The following GYPC variants were observed in gnomAD, a reference collection of about 807,000 sequenced individuals.
The protein encoded by GYPC is glycophorin-C.
In GYPC, 14 loss-of-function variants were observed where a neutral mutation model predicts 12.6. That is an observed-to-expected ratio of 1.11 (90% CI 0.74 to 1.74). The LOEUF (loss-of-function observed/expected upper bound fraction) is 1.74. Among genes scored for constraint, GYPC ranks in the 40% most tolerant of loss-of-function variants. The pLI is 0.00. For synonymous variants in GYPC, 78 were observed against 62.1 expected (o/e 1.26, Z -1.20); for missense variants, 225 against 172.1 (o/e 1.31, Z -1.72).
intron 3 of GYPC, among the ~76,000 whole-genome samples, chr2:126,695,127 G>C (rs980327549): frequency 1.1e-4 from 16 of 152,286 alleles, no homozygotes; most frequent in African/African-American, 2.9e-4. Context: ...GCAGCCATCA[G>C]GCCATTGAAA....
intron 3 of GYPC, among the ~76,000 whole-genome samples, chr2:126,694,999 G>A (rs1392323048): frequency 2.6e-5 from 4 of 152,172 alleles, no homozygotes; most frequent in East Asian, 3.9e-4. Flanking sequence ...CACCACCTTG[G>A]CATCCTCTGC....
chr2:126,682,328 G>A (rs2104795212), intron 1 of GYPC, among the ~76,000 whole-genome samples: 1 of 152,308 alleles, frequency 6.6e-6, no homozygotes, highest in African/African-American at 2.4e-5. Flanking sequence ...CAAGGCCAAG[G>A]AGACTGCAGT....
At chr2:126,676,574 G>A (rs1206541390) in intron 1 of GYPC, among the ~76,000 whole-genome samples, 1 of 152,214 alleles carries the variant, frequency 6.6e-6, no homozygotes, top group African/African-American at 2.4e-5. Context: ...TCTTCTGACA[G>A]GAGGCAGAGT....
Position 126,696,559 on chromosome 2 carries a change from G to A in GYPC, c.*417G>A, listed in dbSNP as rs371510854. The A allele has an allele frequency of 1.4e-4, 40 of 293,112 alleles. No homozygotes were observed. In the East Asian group the frequency reaches 3.3e-3, roughly 24 times the overall value. 18.2% of individuals were successfully genotyped at this position (293,112 alleles called of 1,614,324 possible). On this transcript the variant is annotated 3_prime_UTR_variant, in exon 4 of 4. Coordinates refer to ENST00000259254, the MANE Select transcript of GYPC (RefSeq NM_002101.5). The stretch of plus-strand genomic sequence containing the variant: ...CTGACTGGGGATAATGGCATCAAAT[G>A]TCAGTCCTTGACATTTGGGGGGAAC...
At chr2:126,693,477 C>T (rs923919966) in intron 2 of GYPC, among the ~76,000 whole-genome samples, 4 of 152,168 alleles carry the variant, frequency 2.6e-5, no homozygotes, top group Non-Finnish European at 5.9e-5. Context: ...ACTGAGACAC[C>T]TGGTGTGAGC....
In GYPC at chr2:126,696,519, T is replaced by C. The variant is rs1193540881; in HGVS notation, c.*377T>C. ...CCCGGGGGCTGGGGAAGCAAGGAAA[T>C]AAGTCATCTGTATGCTGACTGGGGA... is the stretch of plus-strand genomic sequence containing the variant. On this transcript the variant is annotated 3_prime_UTR_variant, in exon 4 of 4. Transcript: ENST00000259254. 1 of 344,490 alleles carries C rather than the reference T, an allele frequency of 2.9e-6. No individual in the cohort carries two copies. Among genetic ancestry groups the C allele is most frequent in the African/African-American group, 2.1e-5 (1 of 46,854 alleles). The allele number at this position is 344,490 out of a possible 1,614,324, so 21.3% of individuals were successfully genotyped here. A position where few individuals can be genotyped will look rare whatever the true frequency, so the allele number is the denominator to read the frequency against.
At chr2:126,692,055 G>A (rs1471672385) in intron 2 of GYPC, among the ~76,000 whole-genome samples, 2 of 152,106 alleles carry the variant, frequency 1.3e-5, no homozygotes, top group East Asian at 3.8e-4. Flanking sequence ...TACCTACTAT[G>A]TGCTAGATAC....
intron 1 of GYPC, among the ~76,000 whole-genome samples, chr2:126,677,634 T>C (rs535806918): frequency 2.7e-5 from 4 of 149,598 alleles, no homozygotes; most frequent in South Asian, 2.2e-4. Flanking sequence ...ATAGCTCCCA[T>C]GTGCCGGGCA....
Position 126,696,169 on chromosome 2 carries a change from T to G in GYPC, c.*27T>G, listed in dbSNP as rs372419548. On this transcript the variant is annotated 3_prime_UTR_variant, in exon 4 of 4. Transcript: ENST00000259254. The stretch of plus-strand genomic sequence containing the variant: ...GGACAACAGACTTCACTTCCCTGAA[T>G]GCCTCCCCCATCTCCATCAGGAAAA... 35 of 1,538,394 alleles carry G rather than the reference T, an allele frequency of 2.3e-5. 1 individual carries two copies. The East Asian group carries it at 2.9e-4, about 13-fold the overall frequency.
chr2:126,692,130 G>A (rs1014902244), intron 2 of GYPC, among the ~76,000 whole-genome samples: 2 of 152,148 alleles, frequency 1.3e-5, no homozygotes, highest in Middle Eastern at 3.4e-3. Context: ...AACTTGCTAC[G>A]GCCCTTGCTT....
At chr2:126,668,597 T>C (rs1284803068) in intron 1 of GYPC, among the ~76,000 whole-genome samples, 1 of 152,232 alleles carries the variant, frequency 6.6e-6, no homozygotes. Flanking sequence ...AAAAATGCTA[T>C]CAAACTTCAG....
At position 126,686,165 on chromosome 2, in the gene GYPC, C is replaced by T. The variant is rs563739549; in HGVS notation, c.50-4090C>T. 1.3e-4 allele frequency: 124 copies of T among 985,426 alleles called. No individual in the cohort carries two copies. The African/African-American group carries it at 2.1e-3, about 16-fold the overall frequency. 61.0% of individuals were successfully genotyped at this position (985,426 alleles called of 1,614,324 possible). A position where few individuals can be genotyped will look rare whatever the true frequency, so the allele number is the denominator to read the frequency against. On this transcript the variant is annotated intron_variant, in intron 1 of 3. Transcript: ENST00000259254. ...CTGAAAATGCAAGAGAAGAGAGGCTCTTGGTGGCAACAGAGGAGTGTGACT... is the reference window on the plus strand; with the variant it reads ...CTGAAAATGCAAGAGAAGAGAGGCTTTTGGTGGCAACAGAGGAGTGTGACT...
At chr2:126,662,789 G>A (rs1462738650) in intron 1 of GYPC, among the ~76,000 whole-genome samples, 1 of 152,168 alleles carries the variant, frequency 6.6e-6, no homozygotes, top group Non-Finnish European at 1.5e-5. Context: ...AAACATCCTA[G>A]TGTAGTGCCT....
chr2:126,661,740 G>T (rs1682542465), intron 1 of GYPC, among the ~76,000 whole-genome samples: 1 of 152,030 alleles, frequency 6.6e-6, no homozygotes, highest in African/African-American at 2.4e-5. Context: ...ACAGGCATGA[G>T]CCACTGTGCC....
chr2:126,670,464 C>A (rs898010460), intron 1 of GYPC, among the ~76,000 whole-genome samples: 11 of 152,232 alleles, frequency 7.2e-5, no homozygotes, highest in African/African-American at 2.7e-4. Context: ...GGTTTCACCC[C>A]CTTTGGCCTC....
At chr2:126,668,349 G>A (rs756200734) in intron 1 of GYPC, among the ~76,000 whole-genome samples, 8 of 152,140 alleles carry the variant, frequency 5.3e-5, no homozygotes, top group South Asian at 2.1e-4. Context: ...GCTCACTCCC[G>A]AGACAAGTTT....
At chr2:126,693,777 T>C in intron 2 of GYPC, 87 bp from the exon 3 acceptor site, 1 of 896,468 alleles carries the variant, frequency 1.1e-6, no homozygotes, top group South Asian at 1.3e-5. Context: ...TGCTCACACC[T>C]GAGCAAAGGA....
At chr2:126,660,435 C>T (rs147711604) in intron 1 of GYPC, among the ~76,000 whole-genome samples, 216 of 152,320 alleles carry the variant, frequency 1.4e-3, no homozygotes, top group South Asian at 5.0e-3. Flanking sequence ...CCCCTCAACA[C>T]GCCGCGGGCC....
intron 1 of GYPC, among the ~76,000 whole-genome samples, chr2:126,663,815 C>T (rs12692114): frequency 6.6e-6 from 1 of 152,036 alleles, no homozygotes; most frequent in Non-Finnish European, 1.5e-5. Context: ...AGTGTGAAGC[C>T]GGGGGCCTCC....
Sources: allele counts gnomAD v4.1 joint callset (sites outside exome capture counted in the v4.1 genomes callset), GRCh38; gene constraint gnomAD v4.1.1; transcripts MANE v1.5; gene names NCBI Gene and HGNC (gene_info 2026-07-23, HGNC 2026-07-21).